The following MOB1B variants were observed in gnomAD, a reference collection of about 807,000 sequenced individuals.
The protein encoded by MOB1B is MOB1 Mps One Binder homolog B.
Under a neutral mutation model 24.4 loss-of-function variants are expected in MOB1B, and 19 were observed. That is an observed-to-expected ratio of 0.78 (90% confidence interval 0.54 to 1.14). The LOEUF (loss-of-function observed/expected upper bound fraction) is 1.14. Among genes scored for constraint, MOB1B ranks in the 50% most tolerant of loss-of-function variants. The pLI is 0.00. For missense variants in MOB1B, 243 were observed against 259.6 expected, an observed-to-expected ratio of 0.94 and a Z score of 0.44; for synonymous variants, 76 against 82.1, an observed-to-expected ratio of 0.93 and a Z score of 0.40.
At chr4:70,961,379 G>C (rs1318879830) in intron 2 of MOB1B, among the ~76,000 whole-genome samples, 1 of 152,186 alleles carries the variant, frequency 6.6e-6, no homozygotes, top group East Asian at 1.9e-4. Context: ...GAGATGGTGT[G>C]AGATGCTGTA....
At chr4:70,973,340 C>T (rs1738842349) in intron 3 of MOB1B, among the ~76,000 whole-genome samples, 2 of 151,772 alleles carry the variant, frequency 1.3e-5, no homozygotes, top group Non-Finnish European at 1.5e-5. Context: ...GATGGTGGCT[C>T]ACACCTGTAA....
chr4:70,904,575 A>G (rs924199885), intron 1 of MOB1B, among the ~76,000 whole-genome samples: 6 of 151,618 alleles, frequency 4.0e-5, no homozygotes, highest in Non-Finnish European at 7.4e-5. Flanking sequence ...CCTGGCCAAT[A>G]TGGTGAAACC....
intron 1 of MOB1B, among the ~76,000 whole-genome samples, chr4:70,909,069 T>A (rs539286695): frequency 6.6e-6 from 1 of 151,154 alleles, no homozygotes; most frequent in Non-Finnish European, 1.5e-5. Context: ...AAAAAAAAAT[T>A]AGCAATTTAG....
chr4:70,977,009 T>C (rs1025821059), intron 4 of MOB1B, among the ~76,000 whole-genome samples: 2 of 152,020 alleles, frequency 1.3e-5, no homozygotes, highest in African/African-American at 4.8e-5. Context: ...TACACATACA[T>C]TCATTCATTC....
chr4:70,921,749 C>G (rs1736449098), intron 1 of MOB1B, among the ~76,000 whole-genome samples: 1 of 152,092 alleles, frequency 6.6e-6, no homozygotes, highest in Non-Finnish European at 1.5e-5. Flanking sequence ...CCTCATGATT[C>G]ACCCACCTTG....
intron 1 of MOB1B, among the ~76,000 whole-genome samples, chr4:70,948,321 G>A (rs558295710): frequency 4.6e-5 from 7 of 152,210 alleles, no homozygotes; most frequent in South Asian, 2.1e-4. Flanking sequence ...TAATTGAGAC[G>A]TAGTCACATA....
At chr4:70,967,269 G>A (rs559436944) in intron 2 of MOB1B, among the ~76,000 whole-genome samples, 4 of 152,282 alleles carry the variant, frequency 2.6e-5, no homozygotes, top group African/African-American at 7.2e-5. Context: ...GAGTAGCTGG[G>A]ACTACGGGCG....
At chr4:70,919,418 A>G (rs1307144052) in intron 1 of MOB1B, among the ~76,000 whole-genome samples, 1 of 152,182 alleles carries the variant, frequency 6.6e-6, no homozygotes, top group Non-Finnish European at 1.5e-5. Flanking sequence ...AATTTTAAAG[A>G]AGTAAAAACC....
chr4:70,982,871 G>C lies in MOB1B; in HGVS notation c.*814G>C, dbSNP rs971530075. On this transcript the variant is annotated 3_prime_UTR_variant, in exon 6 of 6. Transcript: ENST00000309395. ...CCATCTTCAGAGGTGATGCTGAACT[G>C]TGAGGTTTCCTAGTAATTGCCAAAT... 6.6e-6 allele frequency: 1 copy of C among 152,540 alleles called. No homozygotes were observed. The highest frequency in any genetic ancestry group is 1.5e-5 in the Non-Finnish European group (1 of 68,000). The allele number at this position is 152,540 out of a possible 1,614,324, so 9.4% of individuals were successfully genotyped here. A position where few individuals can be genotyped will look rare whatever the true frequency, so the allele number is the denominator to read the frequency against.
intron 1 of MOB1B, among the ~76,000 whole-genome samples, chr4:70,926,257 TA>T: frequency 6.6e-6 from 1 of 151,762 alleles, no homozygotes; most frequent in Non-Finnish European, 1.5e-5. Context: ...GTGCTGGGAT[TA>T]CAGCCATTTT....
At chr4:70,975,537 G>A in intron 4 of MOB1B, 1 of 1,134,548 alleles carries the variant, frequency 8.8e-7, no homozygotes, top group South Asian at 3.8e-5. Flanking sequence ...TTAGCTGAAA[G>A]TATAGGTTTA....
At chr4:70,977,725 T>A (rs999966349) in intron 4 of MOB1B, among the ~76,000 whole-genome samples, 1 of 152,060 alleles carries the variant, frequency 6.6e-6, no homozygotes, top group African/African-American at 2.4e-5. Context: ...AGGGTCTCAC[T>A]CTGTTGCCAA....
chr4:70,931,127 T>C (rs1198926087), intron 1 of MOB1B, among the ~76,000 whole-genome samples: 1 of 152,212 alleles, frequency 6.6e-6, no homozygotes, highest in African/African-American at 2.4e-5. Flanking sequence ...GGTTGTCCTG[T>C]GCTTGGGTAC....
At position 70,968,643 on chromosome 4, in the gene MOB1B, C is replaced by G. The variant is rs575662905; in HGVS notation, c.182-1288C>G. 3.9e-5 allele frequency among the ~76,000 whole-genome samples: 6 copies of G among 152,182 alleles called. No individual in the cohort carries two copies. In the East Asian group the frequency reaches 9.7e-4, roughly 25 times the overall value. On this transcript the variant is annotated intron_variant, in intron 2 of 5. Coordinates refer to ENST00000309395, the MANE Select transcript of MOB1B (RefSeq NM_173468.4). ...ACTTTATTCTTTTTTGAGACAAGGTCTCGTTCTTTGGCTCAGGCTGGAGTG... is the reference window on the plus strand; with the variant it reads ...ACTTTATTCTTTTTTGAGACAAGGTGTCGTTCTTTGGCTCAGGCTGGAGTG...
chr4:70,930,397 A>G (rs904791355), intron 1 of MOB1B, among the ~76,000 whole-genome samples: 4 of 152,180 alleles, frequency 2.6e-5, no homozygotes, highest in African/African-American at 4.8e-5. Context: ...TTAGAAAGCT[A>G]TGCCAGGGTT....
At chr4:70,944,788 T>C (rs990268317) in intron 1 of MOB1B, among the ~76,000 whole-genome samples, 4 of 150,256 alleles carry the variant, frequency 2.7e-5, no homozygotes, top group East Asian at 2.0e-4. Flanking sequence ...AGGGGGAGAG[T>C]AGGGGATGAG....
intron 1 of MOB1B, among the ~76,000 whole-genome samples, chr4:70,914,465 G>A (rs187630718): frequency 1.9e-4 from 29 of 152,262 alleles, no homozygotes; most frequent in African/African-American, 5.1e-4. Flanking sequence ...ATCTGAGGAC[G>A]TTGGTTCTGC....
At chr4:70,952,332 A>G (rs1014828152) in intron 1 of MOB1B, among the ~76,000 whole-genome samples, 1 of 152,082 alleles carries the variant, frequency 6.6e-6, no homozygotes. Context: ...TATTAAGTAC[A>G]CTATGCTACT....
intron 1 of MOB1B, among the ~76,000 whole-genome samples, chr4:70,911,823 C>A (rs1399310155): frequency 6.6e-6 from 1 of 151,978 alleles, no homozygotes; most frequent in South Asian, 2.1e-4. Flanking sequence ...CAAACTGAGT[C>A]CTGTAGAGAA....
Sources: allele counts gnomAD v4.1 joint callset (sites outside exome capture counted in the v4.1 genomes callset), GRCh38; gene constraint gnomAD v4.1.1; transcripts MANE v1.5; gene names NCBI Gene and HGNC (gene_info 2026-07-23, HGNC 2026-07-21).